The following TIAM1 variants were observed in gnomAD, a reference collection of about 807,000 sequenced individuals.
The protein encoded by TIAM1 is rho guanine nucleotide exchange factor TIAM1.
In TIAM1, 65 loss-of-function variants were observed where a neutral mutation model predicts 163.5. The observed-to-expected ratio is 0.40, with a 90% CI of 0.33 to 0.49. TIAM1 has a LOEUF of 0.49. Among genes scored for constraint, TIAM1 ranks in the 20% least tolerant of loss-of-function variants. The probability of loss-of-function intolerance (pLI) is 0.77; values close to 1 mark genes in which losing one functional copy is unlikely to be tolerated. For synonymous variants in TIAM1, 833 were observed against 810.1 expected, an observed-to-expected ratio of 1.03 and a Z score of -0.48; for missense variants, 1,789 against 2,044.7, an observed-to-expected ratio of 0.87 and a Z score of 2.41.
At chr21:31,394,094 A>G (rs1349871261) in intron 2 of TIAM1, among the ~76,000 whole-genome samples, 4 of 152,356 alleles carry the variant, frequency 2.6e-5, no homozygotes, top group East Asian at 3.9e-4. Flanking sequence ...AAAACTAGGA[A>G]GCAGCCACAA....
chr21:31,430,235 T>TACAC (rs1252878843), intron 2 of TIAM1, among the ~76,000 whole-genome samples: 2 of 130,020 alleles, frequency 1.5e-5, no homozygotes, highest in African/African-American at 6.7e-5. Context: ...AATATATATA[T>TACAC]ATATATATAT....
At chr21:31,159,422 C>T (rs2083790535) in intron 16 of TIAM1, among the ~76,000 whole-genome samples, 1 of 152,206 alleles carries the variant, frequency 6.6e-6, no homozygotes, top group African/African-American at 2.4e-5. Flanking sequence ...ATGCAACCAC[C>T]AAAGGCAATT....
chr21:31,548,148 T>C (rs2048559668), intron 1 of TIAM1, among the ~76,000 whole-genome samples: 1 of 143,976 alleles, frequency 6.9e-6, no homozygotes, highest in Admixed American at 7.0e-5. Flanking sequence ...TTTTTTTTTT[T>C]TTTTTTTTGC....
At chr21:31,445,564 AC>A (rs1260909040) in intron 2 of TIAM1, among the ~76,000 whole-genome samples, 2 of 152,142 alleles carry the variant, frequency 1.3e-5, no homozygotes, top group Non-Finnish European at 2.9e-5. Flanking sequence ...ATTGGTGACT[AC>A]ATGGAATTCT....
chr21:31,322,132 T>C (rs1263096268), intron 2 of TIAM1, among the ~76,000 whole-genome samples: 1 of 152,208 alleles, frequency 6.6e-6, no homozygotes, highest in Non-Finnish European at 1.5e-5. Context: ...GTGAATACCT[T>C]TGATAGTTTT....
intron 2 of TIAM1, among the ~76,000 whole-genome samples, chr21:31,423,090 CTTTTTTTTT>C (rs11356685): frequency 1.8e-5 from 1 of 54,620 alleles, no homozygotes; most frequent in East Asian, 6.8e-4. Context: ...ACAGCACTAT[CTTTTTTTTT>C]TTTTTTTTTT....
rs532817722 is a variant in TIAM1 at position 31,529,088 on chromosome 21, T to C, written c.-422+29839A>G. Among the ~76,000 whole-genome samples, 193 of 151,516 alleles carry C rather than the reference T, an allele frequency of 1.3e-3. 1 individual carries two copies. Among genetic ancestry groups the C allele is most frequent in the African/African-American group, 4.5e-3 (185 of 41,382 alleles). On this transcript the variant is annotated intron_variant, in intron 1 of 28. Coordinates refer to the TIAM1 transcript ENST00000286827. ...AGGCGCCCACCATGCCCAGCTAATT[T>C]TTTTGTATTTTTAGTAGAGACGGGG... is the stretch of plus-strand genomic sequence containing the variant.
At chr21:31,407,043 C>T (rs1052220730) in intron 2 of TIAM1, among the ~76,000 whole-genome samples, 4 of 152,144 alleles carry the variant, frequency 2.6e-5, no homozygotes, top group Non-Finnish European at 5.9e-5. Context: ...GGGAAGGATT[C>T]CCGGGAAAGT....
rs78718510 is a variant in TIAM1 at position 31,119,614 on chromosome 21, A to C, written c.*754T>G. 6.6e-6 allele frequency: 1 copy of C among 152,618 alleles called. No individual in the cohort carries two copies. Among genetic ancestry groups the C allele is most frequent in the Non-Finnish European group, 1.5e-5 (1 of 68,028 alleles). 9.5% of individuals were successfully genotyped at this position (152,618 alleles called of 1,614,324 possible). Reference sequence around the variant, plus strand: ...ATTTTTTAGGCTCAGGGATACATACACTAACACTGTAAAATTCTCATCTAT... The same window carrying C: ...ATTTTTTAGGCTCAGGGATACATACCCTAACACTGTAAAATTCTCATCTAT... On this transcript the variant is annotated 3_prime_UTR_variant, in exon 28 of 28. Transcript: ENST00000541036.
At chr21:31,327,877 ATGGAC>A (rs1375702694) in intron 2 of TIAM1, among the ~76,000 whole-genome samples, 1 of 151,970 alleles carries the variant, frequency 6.6e-6, no homozygotes, top group African/African-American at 2.4e-5. Flanking sequence ...GGGAGAACCT[ATGGAC>A]CTAAACCAGA....
chr21:31,551,553 C>G (rs576162936), intron 1 of TIAM1, among the ~76,000 whole-genome samples: 1 of 151,666 alleles, frequency 6.6e-6, no homozygotes, highest in South Asian at 2.1e-4. Flanking sequence ...AGCCTGAGCA[C>G]TATAGTAGAA....
Position 31,155,574 on chromosome 21 carries a change from A to G in TIAM1, c.2992-1148T>C, listed in dbSNP as rs911093264. 4.9e-4 allele frequency among the ~76,000 whole-genome samples: 75 copies of G among 151,608 alleles called. 1 individual carries two copies. The highest frequency in any genetic ancestry group is 2.2e-4 in the Non-Finnish European group (15 of 67,930). Reference sequence around the variant, plus strand: ...GGCTGGAGTGCAGTGGTGCGATCTCAGCTCACAGCAAGCTCCACCTTCCGG... The same window carrying G: ...GGCTGGAGTGCAGTGGTGCGATCTCGGCTCACAGCAAGCTCCACCTTCCGG... On this transcript the variant is annotated intron_variant, in intron 16 of 27. Coordinates refer to ENST00000541036, the MANE Select transcript of TIAM1 (RefSeq NM_001353694.2).
chr21:31,495,770 T>C (rs1030956664), intron 1 of TIAM1, among the ~76,000 whole-genome samples: 6 of 150,566 alleles, frequency 4.0e-5, no homozygotes, highest in African/African-American at 1.5e-4. Context: ...AGGTCAGGAG[T>C]TCAAGACTAG....
At chr21:31,437,419 A>G (rs1048828244) in intron 2 of TIAM1, among the ~76,000 whole-genome samples, 4 of 149,076 alleles carry the variant, frequency 2.7e-5, no homozygotes, top group Non-Finnish European at 3.0e-5. Flanking sequence ...AGGAGGATCA[A>G]TTGACCCTGG....
At chr21:31,455,641 A>G (rs898527626) in intron 2 of TIAM1, among the ~76,000 whole-genome samples, 2 of 152,184 alleles carry the variant, frequency 1.3e-5, no homozygotes, top group Non-Finnish European at 2.9e-5. Context: ...GACACAGTAA[A>G]CTATGAGTTA....
At chr21:31,155,568 G>A (rs985772302) in intron 16 of TIAM1, among the ~76,000 whole-genome samples, 9 of 151,780 alleles carry the variant, frequency 5.9e-5, no homozygotes, top group Admixed American at 5.2e-4. Context: ...GCAGTGGTGC[G>A]ATCTCAGCTC....
At chr21:31,264,080 C>A (rs1247793757) in intron 4 of TIAM1, among the ~76,000 whole-genome samples, 1 of 152,142 alleles carries the variant, frequency 6.6e-6, no homozygotes, top group Admixed American at 6.5e-5. Context: ...CGTTCTCAGA[C>A]CACAGATGCA....
chr21:31,327,152 G>T (rs949662420), intron 2 of TIAM1, among the ~76,000 whole-genome samples: 1 of 152,164 alleles, frequency 6.6e-6, no homozygotes, highest in African/African-American at 2.4e-5. Flanking sequence ...CTGCTCACAG[G>T]CAAGGCAAGG....
intron 1 of TIAM1, among the ~76,000 whole-genome samples, chr21:31,499,536 G>A (rs1569388788): frequency 6.7e-6 from 1 of 148,840 alleles, no homozygotes; most frequent in Non-Finnish European, 1.5e-5. Flanking sequence ...GCAAGACCCT[G>A]TCTCTGAAAA....
Sources: gnomAD v4.1 joint callset for allele counts (sites outside exome capture counted in the v4.1 genomes callset) on GRCh38, gnomAD v4.1.1 for gene constraint, MANE v1.5 for transcripts, NCBI Gene and HGNC (gene_info 2026-07-23, HGNC 2026-07-21) for gene names.